ARHGEF4: variants seen among roughly 807,000 people sequenced by gnomAD.
The protein encoded by ARHGEF4 is Rho guanine nucleotide exchange factor 4, also known as APC-stimulated guanine nucleotide exchange factor 1.
In ARHGEF4, 119 loss-of-function variants were observed where a neutral mutation model predicts 162.0. The observed-to-expected ratio is 0.73, with a 90% CI of 0.63 to 0.86. The LOEUF is 0.86. Ranked by LOEUF, ARHGEF4 falls within the 40% of genes least tolerant of loss-of-function variation. The probability of loss-of-function intolerance (pLI) is 0.00; values close to 1 mark genes in which losing one functional copy is unlikely to be tolerated. For missense variants in ARHGEF4, 2,488 were observed against 2,456.0 expected (o/e 1.01, Z -0.28); for synonymous variants, 1,014 against 979.9 (o/e 1.03, Z -0.65).
chr2:130,903,421 A>G (rs1048061715), intron 1 of ARHGEF4, among the ~76,000 whole-genome samples: 1 of 151,758 alleles, frequency 6.6e-6, no homozygotes, highest in Non-Finnish European at 1.5e-5. Context: ...CACCACACCC[A>G]GCTAATTTTT....
At position 130,923,577 on chromosome 2, in the gene ARHGEF4, T is replaced by G. The variant is rs1682027595; in HGVS notation, c.3552+6079T>G. Among the ~76,000 whole-genome samples, 4 of 152,360 alleles carry G rather than the reference T, an allele frequency of 2.6e-5. No individual in the cohort carries two copies. In the South Asian group the frequency reaches 8.3e-4, roughly 32 times the overall value. ...GTTCTAGATGCAGCGGACACTGTACTGAATAATACAGCAGGATGTCCGTCC... is the reference window on the plus strand; with the variant it reads ...GTTCTAGATGCAGCGGACACTGTACGGAATAATACAGCAGGATGTCCGTCC... On this transcript the variant is annotated intron_variant, in intron 2 of 13. Coordinates refer to ENST00000409359, the MANE Select transcript of ARHGEF4 (RefSeq NM_001367493.1).
At chr2:131,019,127 C>G (rs1688935285) in intron 4 of ARHGEF4, among the ~76,000 whole-genome samples, 1 of 152,146 alleles carries the variant, frequency 6.6e-6, no homozygotes, top group African/African-American at 2.4e-5. Flanking sequence ...AAAAATGCCA[C>G]TGGGGCTGGG....
At position 130,975,131 on chromosome 2, in the gene ARHGEF4, T is replaced by A. The variant is rs148301421; in HGVS notation, c.3985+28496T>A. On this transcript the variant is annotated intron_variant, in intron 4 of 13. Transcript: ENST00000409359. ...AGGGCCGCAGTCCAGGACAAATAGATTTGGATGAGGGAAATGCTGAATTAA... is the reference window on the plus strand; with the variant it reads ...AGGGCCGCAGTCCAGGACAAATAGAATTGGATGAGGGAAATGCTGAATTAA... 1.1e-3 allele frequency among the ~76,000 whole-genome samples: 171 copies of A among 152,216 alleles called. 1 individual carries two copies. The highest frequency in any genetic ancestry group is 3.6e-3 in the African/African-American group (149 of 41,518).
At chr2:130,974,108 A>G (rs147700600) in intron 4 of ARHGEF4, among the ~76,000 whole-genome samples, 1 of 138,962 alleles carries the variant, frequency 7.2e-6, no homozygotes, top group East Asian at 2.1e-4. Context: ...TGTCTCTACT[A>G]AAAAAAAAAA....
chr2:130,920,281 TA>T (rs1442221453), intron 2 of ARHGEF4, among the ~76,000 whole-genome samples: 5 of 152,186 alleles, frequency 3.3e-5, no homozygotes, highest in Non-Finnish European at 5.9e-5. Context: ...GATAATTTTT[TA>T]ATTTTTTGTA....
At chr2:131,023,139 C>T (rs2105358039) in intron 4 of ARHGEF4, among the ~76,000 whole-genome samples, 1 of 141,062 alleles carries the variant, frequency 7.1e-6, no homozygotes, top group East Asian at 2.1e-4. Context: ...ATTAAATAGG[C>T]AAAAGAGGGC....
intron 4 of ARHGEF4, among the ~76,000 whole-genome samples, chr2:130,988,891 TATATATATATAGAG>T (rs1357704777): frequency 0.014 from 1,671 of 116,062 alleles, 10 homozygotes; most frequent in Non-Finnish European, 0.02. Context: ...TATATATATA[TATATATATATAGAG>T]AGAGAGAGAG....
intron 4 of ARHGEF4, among the ~76,000 whole-genome samples, chr2:130,977,099 AGT>A (rs1292029261): frequency 3.4e-5 from 5 of 148,346 alleles, no homozygotes; most frequent in Non-Finnish European, 7.5e-5. Context: ...GTGGTGTGTT[AGT>A]GTGTGTGGTG....
chr2:130,992,484 C>G (rs2105286996), intron 4 of ARHGEF4, among the ~76,000 whole-genome samples: 1 of 152,168 alleles, frequency 6.6e-6, no homozygotes, highest in African/African-American at 2.4e-5. Context: ...GCCTTAAGAG[C>G]TGTAACACTC....
chr2:130,970,069 T>C (rs1685259638), intron 4 of ARHGEF4, among the ~76,000 whole-genome samples: 1 of 152,208 alleles, frequency 6.6e-6, no homozygotes, highest in Admixed American at 6.5e-5. Context: ...TTCCTACTTT[T>C]AGGGTGTTAC....
At chr2:130,986,572 G>A (rs920958500) in intron 4 of ARHGEF4, among the ~76,000 whole-genome samples, 1 of 152,170 alleles carries the variant, frequency 6.6e-6, no homozygotes, top group African/African-American at 2.4e-5. Context: ...GATCTGCGCC[G>A]CCTGGTGTGA....
intron 4 of ARHGEF4, among the ~76,000 whole-genome samples, chr2:130,965,260 C>T (rs1684926785): frequency 6.6e-6 from 1 of 152,184 alleles, no homozygotes; most frequent in African/African-American, 2.4e-5. Flanking sequence ...AAGGTCGGCT[C>T]TGGCTGGGTT....
intron 3 of ARHGEF4, among the ~76,000 whole-genome samples, chr2:130,935,932 G>A (rs1682918122): frequency 6.6e-6 from 1 of 152,190 alleles, no homozygotes; most frequent in Non-Finnish European, 1.5e-5. Context: ...GGGCGTGGTG[G>A]TGCATGCCTA....
intron 4 of ARHGEF4, among the ~76,000 whole-genome samples, chr2:131,005,535 A>G (rs371965951): frequency 7.2e-5 from 11 of 152,274 alleles, no homozygotes; most frequent in African/African-American, 2.6e-4. Flanking sequence ...CTTGCATCTG[A>G]GATCTGTGAG....
chr2:131,034,794 T>A (rs537996078), intron 5 of ARHGEF4: 101 of 173,390 alleles, frequency 5.8e-4, no homozygotes, highest in Middle Eastern at 2.9e-3. Context: ...GCGTGGAGAT[T>A]CCCGACCCTT....
At chr2:130,946,975 A>G (rs2105150288) in intron 4 of ARHGEF4, 2 of 226,492 alleles carry the variant, frequency 8.8e-6, no homozygotes, top group South Asian at 1.4e-4. Flanking sequence ...CTCATGCTAT[A>G]ATCCCAGCAC....
intron 2 of ARHGEF4, 66 bp downstream of exon 2, chr2:130,917,564 G>A: frequency 6.8e-7 from 1 of 1,473,906 alleles, no homozygotes; most frequent in Non-Finnish European, 9.0e-7. Flanking sequence ...GGGAGCAGGC[G>A]GGAATCTTCC....
rs112099167 is a variant in ARHGEF4, at chr2:130,966,053, A to G, written c.3985+19418A>G. ...TGCCCCTCACAGACACTGCACCACTAAGGGTAGGCTCTGGGTATCTCTAGG... is the reference window on the plus strand; with the variant it reads ...TGCCCCTCACAGACACTGCACCACTGAGGGTAGGCTCTGGGTATCTCTAGG... On this transcript the variant is annotated intron_variant, in intron 4 of 13. Coordinates refer to ENST00000409359, the MANE Select transcript of ARHGEF4 (RefSeq NM_001367493.1). 2.2e-3 allele frequency among the ~76,000 whole-genome samples: 338 copies of G among 152,240 alleles called. 2 individuals carry two copies. Among genetic ancestry groups the G allele is most frequent in the African/African-American group, 7.7e-3 (319 of 41,564 alleles).
intron 1 of ARHGEF4, among the ~76,000 whole-genome samples, chr2:130,849,240 G>A (rs1399218222): frequency 1.3e-5 from 2 of 152,238 alleles, no homozygotes; most frequent in Non-Finnish European, 2.9e-5. Flanking sequence ...AAAAGCTGGG[G>A]AGCGTTGGGG....
Sources: gnomAD v4.1 joint callset for allele counts (sites outside exome capture counted in the v4.1 genomes callset) on GRCh38, gnomAD v4.1.1 for gene constraint, MANE v1.5 for transcripts, NCBI Gene and HGNC (gene_info 2026-07-23, HGNC 2026-07-21) for gene names.